Variants in CCSER1 observed in about 807,000 individuals in gnomAD.
CCSER1 encodes serine-rich coiled-coil domain-containing protein 1.
In CCSER1, 41 loss-of-function variants were observed where a neutral mutation model predicts 82.0. The ratio of observed to expected loss-of-function variants is 0.50; its 90% CI spans 0.39 to 0.65. CCSER1 has a LOEUF of 0.65. Among genes scored for constraint, CCSER1 ranks in the 30% least tolerant of loss-of-function variants. The pLI is 0.00. For missense variants in CCSER1, 1,119 were observed against 1,064.2 expected, an observed-to-expected ratio of 1.05 and a Z score of -0.72; for synonymous variants, 414 against 383.9, an observed-to-expected ratio of 1.08 and a Z score of -0.92.
chr4:90,592,754 C>T (rs2048397), intron 5 of CCSER1, among the ~76,000 whole-genome samples: 69,655 of 151,760 alleles, frequency 0.46, 20,696 homozygotes, highest in African/African-American at 0.84. Flanking sequence ...CCAGACAGTA[C>T]GTTATGGTTC....
chr4:91,336,720 CTT>C (rs1747352503), intron 10 of CCSER1, among the ~76,000 whole-genome samples: 1 of 151,922 alleles, frequency 6.6e-6, no homozygotes, highest in South Asian at 2.1e-4. Flanking sequence ...TTCTAATAGA[CTT>C]AAGAACTCTC....
intron 10 of CCSER1, among the ~76,000 whole-genome samples, chr4:91,234,319 C>G (rs1369122707): frequency 6.6e-6 from 1 of 152,024 alleles, no homozygotes; most frequent in African/African-American, 2.4e-5. Context: ...TAATGTAATT[C>G]TTTGAAGATA....
chr4:91,487,917 G>A (rs1027490665), intron 10 of CCSER1, among the ~76,000 whole-genome samples: 3 of 151,768 alleles, frequency 2.0e-5, no homozygotes, highest in African/African-American at 4.8e-5. Flanking sequence ...TACCTGAAAT[G>A]TTATATTTTT....
At chr4:90,991,284 A>G (rs1184651919) in intron 9 of CCSER1, among the ~76,000 whole-genome samples, 1 of 151,998 alleles carries the variant, frequency 6.6e-6, no homozygotes, top group Non-Finnish European at 1.5e-5. Context: ...TAGAGATGAC[A>G]TAACAAATTA....
rs756116384 is a variant in CCSER1 at position 91,429,752 on chromosome 4, T to TTTA, written c.2218-168815_2218-168813dup. 5.3e-4 allele frequency among the ~76,000 whole-genome samples: 80 copies of TTTA among 151,930 alleles called. 1 individual carries two copies. Among genetic ancestry groups the TTTA allele is most frequent in the Non-Finnish European group, 9.9e-4 (67 of 67,824 alleles). ...TGAGTAAAATCTCAAGCATAAGAATTTTATTATATTTTCATCTGAAAATAT... is the reference window on the plus strand; with the variant it reads ...TGAGTAAAATCTCAAGCATAAGAATTTTATTATTATATTTTCATCTGAAAATAT... On this transcript the variant is annotated intron_variant, in intron 10 of 10. Transcript: ENST00000509176.
chr4:90,816,542 A>G (rs17017655), intron 8 of CCSER1, among the ~76,000 whole-genome samples: 50,717 of 151,858 alleles, frequency 0.33, 8,631 homozygotes, highest in East Asian at 0.42. Flanking sequence ...ATGTGCACTC[A>G]ATATAAATTT....
chr4:90,866,933 G>A (rs1765803924), intron 8 of CCSER1, among the ~76,000 whole-genome samples: 8 of 152,008 alleles, frequency 5.3e-5, no homozygotes, highest in Admixed American at 5.3e-4. Flanking sequence ...GATTTGACAG[G>A]AAGCAGAGCT....
At chr4:90,743,205 G>C (rs1054829748) in intron 7 of CCSER1, among the ~76,000 whole-genome samples, 8 of 152,188 alleles carry the variant, frequency 5.3e-5, no homozygotes, top group African/African-American at 1.9e-4. Flanking sequence ...AAGGTACAAT[G>C]TGTTTTAGCA....
In CCSER1 at chr4:90,517,330, C is replaced by T. The variant is rs138769344; in HGVS notation, c.1724+48976C>T. ...AGTCAAACCATCGTAAGTCGGGGAC[C>T]ATCTGTAGTGTGGTTGCAAATCTGT... is the stretch of plus-strand genomic sequence containing the variant. On this transcript the variant is annotated intron_variant, in intron 5 of 10. Transcript: ENST00000509176. 2.4e-4 allele frequency among the ~76,000 whole-genome samples: 37 copies of T among 152,074 alleles called. 1 individual carries two copies. The highest frequency in any genetic ancestry group is 2.0e-3 in the Admixed American group (31 of 15,266).
At chr4:91,401,367 TATATATA>T (rs1337126352) in intron 10 of CCSER1, among the ~76,000 whole-genome samples, 2 of 148,274 alleles carry the variant, frequency 1.3e-5, no homozygotes, top group African/African-American at 4.9e-5. Context: ...TACTATATAT[TATATATA>T]ATATAACATA....
At chr4:90,727,720 C>T (rs1326273779) in intron 7 of CCSER1, among the ~76,000 whole-genome samples, 2 of 152,162 alleles carry the variant, frequency 1.3e-5, no homozygotes, top group African/African-American at 2.4e-5. Flanking sequence ...AAAGCTGGCT[C>T]GTTGCTCCTG....
chr4:90,948,864 G>A, intron 9 of CCSER1, among the ~76,000 whole-genome samples: 1 of 151,722 alleles, frequency 6.6e-6, no homozygotes, highest in Non-Finnish European at 1.5e-5. Flanking sequence ...AGTGTGTTGG[G>A]TCCTTAGGCT....
chr4:91,311,691 C>T (rs1457992827), intron 10 of CCSER1, among the ~76,000 whole-genome samples: 1 of 151,854 alleles, frequency 6.6e-6, no homozygotes, highest in Non-Finnish European at 1.5e-5. Context: ...AACAGTGAGA[C>T]TTGTCTATAG....
intron 10 of CCSER1, among the ~76,000 whole-genome samples, chr4:91,440,309 A>T (rs1360705084): frequency 6.6e-6 from 1 of 152,126 alleles, no homozygotes; most frequent in Non-Finnish European, 1.5e-5. Flanking sequence ...GGATTAAGAA[A>T]CTCACTCAAA....
intron 7 of CCSER1, among the ~76,000 whole-genome samples, chr4:90,748,093 A>T (rs1747839147): frequency 6.9e-6 from 1 of 143,910 alleles, no homozygotes; most frequent in Non-Finnish European, 1.5e-5. Context: ...TGTGCAGGTT[A>T]GTTACATATG....
chr4:90,824,085 T>C (rs1391070165), intron 8 of CCSER1, among the ~76,000 whole-genome samples: 1 of 151,996 alleles, frequency 6.6e-6, no homozygotes, highest in African/African-American at 2.4e-5. Flanking sequence ...TTGAACACTT[T>C]TTCCTCCCGT....
At chr4:90,159,235 G>A (rs964148836) in intron 1 of CCSER1, among the ~76,000 whole-genome samples, 2 of 151,808 alleles carry the variant, frequency 1.3e-5, no homozygotes, top group Non-Finnish European at 2.9e-5. Flanking sequence ...TTGAGAAATG[G>A]AGCCTCACTG....
At chr4:90,894,322 A>T (rs549023615) in intron 8 of CCSER1, among the ~76,000 whole-genome samples, 1 of 152,164 alleles carries the variant, frequency 6.6e-6, no homozygotes, top group East Asian at 1.9e-4. Context: ...ATTTTTTTAA[A>T]CTAAAACAAT....
chr4:90,459,749 T>C (rs1000732847), intron 4 of CCSER1, among the ~76,000 whole-genome samples: 1 of 152,230 alleles, frequency 6.6e-6, no homozygotes, highest in Non-Finnish European at 1.5e-5. Context: ...TAAATGACAC[T>C]TTATTCATAA....
Sources: allele counts gnomAD v4.1 joint callset (sites outside exome capture counted in the v4.1 genomes callset), GRCh38; gene constraint gnomAD v4.1.1; transcripts MANE v1.5; gene names NCBI Gene and HGNC (gene_info 2026-07-23, HGNC 2026-07-21).